Variants in HAPLN2 observed in about 807,000 individuals in gnomAD.
The protein encoded by HAPLN2 is brain link protein-1.
HAPLN2 carries 27 observed loss-of-function variants against 29.3 expected under a neutral mutation model. That is an observed-to-expected ratio of 0.92 (90% CI 0.68 to 1.27). The LOEUF (loss-of-function observed/expected upper bound fraction) is 1.27, where lower values mean the gene tolerates loss of function less well. Ranked by LOEUF, HAPLN2 falls within the 50% of genes most tolerant of loss-of-function variation. The probability of loss-of-function intolerance (pLI) is 0.00; values close to 1 mark genes in which losing one functional copy is unlikely to be tolerated. For synonymous variants in HAPLN2, 208 were observed against 211.7 expected, an observed-to-expected ratio of 0.98 and a Z score of 0.15; for missense variants, 454 against 484.3, an observed-to-expected ratio of 0.94 and a Z score of 0.59.
chr1:156,614,103 C>A, the HAPLN2 span, among the ~76,000 whole-genome samples: 1 of 152,012 alleles, frequency 6.6e-6, no homozygotes, highest in Admixed American at 6.6e-5. Context: ...TGAACTTGAA[C>A]AAGTTACTAG....
the HAPLN2 span, among the ~76,000 whole-genome samples, chr1:156,602,548 C>CAA: frequency 1.1e-4 from 1 of 9,236 alleles, no homozygotes; most frequent in Admixed American, 1.7e-3. Context: ...ACTAAAAATA[C>CAA]CAAAAAAAAA....
rs1026751137 is a variant in HAPLN2 at position 156,625,307 on chromosome 1, G to T, written c.946G>T (p.Asp316Tyr). ...GAGGCCGCGCTGCGGGGGGCTCCCG[G>T]ATCCCGGAGTGCGCAGTTTCGGCTT... ...TPRPRCGGLP[D>Y]PGVRSFGFPR... The change falls in exon 7 of 7, where the codon GAT (aspartate) becomes TAT (tyrosine). Residue 316 changes from aspartate to tyrosine, a missense_variant. Asp to Tyr is a radical substitution (Grantham distance 160). Coordinates refer to ENST00000255039, the MANE Select transcript of HAPLN2 (RefSeq NM_021817.3). This position sits in a 1 kb window ranked among gnomAD's most constrained non-coding sequence, Gnocchi z 5.7. 2.5e-6 allele frequency: 4 copies of T among 1,586,154 alleles called. No homozygotes were observed. The highest frequency in any genetic ancestry group is 3.4e-6 in the Non-Finnish European group (4 of 1,167,230).
chr1:156,614,443 C>T (rs1261254417), upstream of HAPLN2, among the ~76,000 whole-genome samples: 1 of 152,118 alleles, frequency 6.6e-6, no homozygotes, highest in African/African-American at 2.4e-5. Context: ...AGGATGGTCT[C>T]AATCTCCTGA....
chr1:156,607,676 T>C, the HAPLN2 span, among the ~76,000 whole-genome samples: 1 of 152,126 alleles, frequency 6.6e-6, no homozygotes, highest in Non-Finnish European at 1.5e-5. Flanking sequence ...TAAGGCACTG[T>C]GTTATTTTTC....
At chr1:156,606,178 C>T in the HAPLN2 span, among the ~76,000 whole-genome samples, 2 of 152,080 alleles carry the variant, frequency 1.3e-5, no homozygotes, top group Non-Finnish European at 2.9e-5. Context: ...GCCAGAGAAT[C>T]GCTTGAACCC....
At chr1:156,603,036 T>C in the HAPLN2 span, among the ~76,000 whole-genome samples, 1 of 152,100 alleles carries the variant, frequency 6.6e-6, no homozygotes, top group Non-Finnish European at 1.5e-5. Flanking sequence ...TTTCAAAACA[T>C]GCTACATGGG....
chr1:156,621,629 C>T (rs1228772582), intron 2 of HAPLN2, among the ~76,000 whole-genome samples: 3 of 150,936 alleles, frequency 2.0e-5, no homozygotes. Flanking sequence ...CCCAGCTACT[C>T]AGGAGAATCG....
chr1:156,606,564 C>A, the HAPLN2 span, among the ~76,000 whole-genome samples: 2 of 151,008 alleles, frequency 1.3e-5, no homozygotes, highest in Non-Finnish European at 2.9e-5. Flanking sequence ...CTCCCTGAAG[C>A]CTCAATCTCC....
At chr1:156,616,728 G>A (rs1678067168), upstream of HAPLN2, among the ~76,000 whole-genome samples, 1 of 152,152 alleles carries the variant, frequency 6.6e-6, no homozygotes, top group African/African-American at 2.4e-5. Flanking sequence ...GTCGTGGGAG[G>A]AGGAGGGAAG....
Position 156,625,235 on chromosome 1 carries a change from G to T in HAPLN2, c.874G>T (p.Gly292Cys), listed in dbSNP as rs1042082297. 8 of 1,572,568 alleles carry T rather than the reference G, an allele frequency of 5.1e-6. No individual in the cohort carries two copies. The South Asian group carries it at 9.3e-5, about 18-fold the overall frequency. Residue 292 changes from glycine to cysteine, a missense_variant, in exon 7 of 7, where the codon GGC becomes TGC. Physicochemically the swap from Gly to Cys is radical, Grantham distance 159. This residue lies in a region of HAPLN2 where 235 missense variants were observed against 236.9 expected (regional missense o/e 0.99). Transcript: ENST00000255039. This position sits in a 1 kb window ranked among gnomAD's most constrained non-coding sequence, Gnocchi z 5.7. ...WKFSGLDQCD[G>C]GWLADGSVRF... ...GTTTTCGGGGCTAGACCAGTGCGAC[G>T]GCGGCTGGCTGGCTGACGGCAGTGT...
At chr1:156,612,850 T>C in the HAPLN2 span, among the ~76,000 whole-genome samples, 1 of 152,244 alleles carries the variant, frequency 6.6e-6, no homozygotes, top group East Asian at 1.9e-4. Flanking sequence ...CCAGTGGATT[T>C]ATTATTAAAG....
At chr1:156,623,684 C>A (rs1222341010) in intron 3 of HAPLN2, 109 bp downstream of exon 3, 17 of 1,539,692 alleles carry the variant, frequency 1.1e-5, no homozygotes, top group Non-Finnish European at 1.4e-5. Context: ...AAAGTCATTG[C>A]TGAGAAGGCA....
upstream of HAPLN2, among the ~76,000 whole-genome samples, chr1:156,616,565 T>A (rs4474241): frequency 6.6e-6 from 1 of 152,238 alleles, no homozygotes; most frequent in Admixed American, 6.5e-5. Context: ...TGGGAATGGA[T>A]GCAGTGGCCA....
At chr1:156,613,469 C>A in the HAPLN2 span, among the ~76,000 whole-genome samples, 10 of 152,238 alleles carry the variant, frequency 6.6e-5, no homozygotes, top group East Asian at 1.5e-3. Context: ...GCAATAAAAC[C>A]CTATCATTGT....
At chr1:156,607,558 T>C in the HAPLN2 span, among the ~76,000 whole-genome samples, 1 of 152,160 alleles carries the variant, frequency 6.6e-6, no homozygotes, top group Non-Finnish European at 1.5e-5. Flanking sequence ...TGCATATGAC[T>C]GGCCCCAGGG....
chr1:156,624,340 C>A lies in HAPLN2; in HGVS notation c.440-11C>A. 1 of 1,592,774 alleles carries A rather than the reference C, an allele frequency of 6.3e-7. No individual in the cohort carries two copies. The highest frequency in any genetic ancestry group is 8.6e-7 in the Non-Finnish European group (1 of 1,169,124). The stretch of plus-strand genomic sequence containing the variant: ...CCGCTGGCCCTCCCCAGGATCCCCG[C>A]CACCCCCTAGGTGTGGTGTTTCCGT... On this transcript the variant is annotated splice_polypyrimidine_tract_variant and intron_variant, in intron 4 of 6. Coordinates refer to ENST00000255039, the MANE Select transcript of HAPLN2 (RefSeq NM_021817.3).
the HAPLN2 span, among the ~76,000 whole-genome samples, chr1:156,603,980 T>A: frequency 6.6e-6 from 1 of 152,290 alleles, no homozygotes; most frequent in South Asian, 2.1e-4. Context: ...GGCTGCAGCC[T>A]GTCCCTGGGG....
the HAPLN2 span, among the ~76,000 whole-genome samples, chr1:156,603,323 G>A: frequency 2.0e-5 from 3 of 151,522 alleles, no homozygotes; most frequent in East Asian, 2.0e-4. Context: ...CTGGGAGTAC[G>A]GGTGCATGCC....
chr1:156,611,586 C>CA, the HAPLN2 span, among the ~76,000 whole-genome samples: 3 of 151,804 alleles, frequency 2.0e-5, no homozygotes, highest in Non-Finnish European at 2.9e-5. Flanking sequence ...AACAAAAAAA[C>CA]AAAAAAACCC....
Sources: allele counts gnomAD v4.1 joint callset (sites outside exome capture counted in the v4.1 genomes callset), GRCh38; gene constraint gnomAD v4.1.1; regional missense constraint gnomAD v4.1.1; non-coding constraint Gnocchi (gnomAD v3.1); transcripts MANE v1.5; gene names NCBI Gene and HGNC (gene_info 2026-07-23, HGNC 2026-07-21).